The following SULT4A1 variants were observed in gnomAD, a reference collection of about 807,000 sequenced individuals.
The protein encoded by SULT4A1 is sulfotransferase family 4A member 1, also known as sulfotransferase 4A1.
A neutral mutation model predicts 35.2 loss-of-function variants in SULT4A1; 11 were observed. The ratio of observed to expected loss-of-function variants is 0.31; its 90% CI spans 0.20 to 0.52. The LOEUF (loss-of-function observed/expected upper bound fraction) is 0.52. Ranked by LOEUF, SULT4A1 falls within the 20% of genes least tolerant of loss-of-function variation. SULT4A1 has a pLI of 0.97. For synonymous variants in SULT4A1, 152 were observed against 151.8 expected (o/e 1.00, Z -0.01); for missense variants, 271 against 383.7 (o/e 0.71, Z 2.45).
intron 1 of SULT4A1, among the ~76,000 whole-genome samples, chr22:43,853,592 C>A (rs1467486053): frequency 2.0e-5 from 3 of 152,238 alleles, no homozygotes; most frequent in Non-Finnish European, 4.4e-5. Flanking sequence ...GCTCCGGCAA[C>A]CCTGGCTTGG....
intron 6 of SULT4A1, chr22:43,827,755 C>CCCCACACA (rs71313366): frequency 3.1e-6 from 1 of 319,304 alleles, no homozygotes; most frequent in African/African-American, 2.2e-5. Context: ...CGCTGCTTCA[C>CCCCACACA]CACACACACA....
chr22:43,835,969 C>T (rs940379230), intron 4 of SULT4A1, among the ~76,000 whole-genome samples: 5 of 152,312 alleles, frequency 3.3e-5, no homozygotes, highest in Non-Finnish European at 5.9e-5. Flanking sequence ...GAGGCGAGGA[C>T]GCCGGGCCCC....
In SULT4A1 at chr22:43,841,826, T is replaced by G; in HGVS notation, c.276A>C (p.Pro92=). The part of the protein sequence containing the change: ...IDEQLPVLEY[P]QPGLDIIKEL... ...CCTTGATGATGTCCAGGCCCGGCTG[T>G]GGGTACTCCAGGACCGGGAGCTGCT... Residue 92 remains proline, a synonymous_variant, in exon 2 of 7, where the codon CCA becomes CCC. Transcript: ENST00000330884. 4 of 1,613,786 alleles carry G rather than the reference T, an allele frequency of 2.5e-6. No homozygotes were observed. Among genetic ancestry groups the G allele is most frequent in the Non-Finnish European group, 3.4e-6 (4 of 1,179,742 alleles).
intron 5 of SULT4A1, among the ~76,000 whole-genome samples, chr22:43,829,431 ATTGGG>A (rs2063310029): frequency 6.6e-6 from 1 of 152,174 alleles, no homozygotes; most frequent in African/African-American, 2.4e-5. Context: ...CCTCCAGGGA[ATTGGG>A]TTGCAGACAT....
chr22:43,850,787 C>T (rs966800890), intron 1 of SULT4A1, among the ~76,000 whole-genome samples: 1 of 152,144 alleles, frequency 6.6e-6, no homozygotes, highest in Non-Finnish European at 1.5e-5. Flanking sequence ...ATGTGAGGGA[C>T]AGTCTGGTCG....
chr22:43,842,975 ATCTCTC>A (rs695712), intron 1 of SULT4A1, among the ~76,000 whole-genome samples: 10 of 144,586 alleles, frequency 6.9e-5, no homozygotes, highest in Admixed American at 2.7e-4. Flanking sequence ...AGTAAACAGC[ATCTCTC>A]TCTCTCTCTC....
intron 4 of SULT4A1, among the ~76,000 whole-genome samples, chr22:43,837,820 T>A (rs2063389827): frequency 6.6e-6 from 1 of 152,128 alleles, no homozygotes; most frequent in Non-Finnish European, 1.5e-5. Flanking sequence ...GGCATTACGT[T>A]CCAGGATCTC....
At chr22:43,831,437 C>T (rs955939178) in intron 5 of SULT4A1, among the ~76,000 whole-genome samples, 5 of 152,084 alleles carry the variant, frequency 3.3e-5, no homozygotes, top group Admixed American at 3.3e-4. Context: ...CAAATGCACA[C>T]CCAGGACCCC....
chr22:43,839,805 G>T, intron 3 of SULT4A1, 140 bp downstream of exon 3: 1 of 784,744 alleles, frequency 1.3e-6, no homozygotes, highest in African/African-American at 1.7e-5. Flanking sequence ...ACCTCAGAAG[G>T]GATCTTCACG....
intron 1 of SULT4A1, among the ~76,000 whole-genome samples, chr22:43,848,530 A>G (rs2063490576): frequency 6.6e-6 from 1 of 152,226 alleles, no homozygotes; most frequent in Non-Finnish European, 1.5e-5. Context: ...GAGGGTCCAC[A>G]AGCACTGCCC....
At chr22:43,836,814 C>G (rs1354719097) in intron 4 of SULT4A1, among the ~76,000 whole-genome samples, 1 of 151,946 alleles carries the variant, frequency 6.6e-6, no homozygotes, top group African/African-American at 2.4e-5. Flanking sequence ...TACACAGCGT[C>G]CTCACACTGC....
chr22:43,837,006 G>GCCTC (rs2063382639), intron 4 of SULT4A1, among the ~76,000 whole-genome samples: 1 of 152,272 alleles, frequency 6.6e-6, no homozygotes. Context: ...CTGGTCACCA[G>GCCTC]GCTCACGCGT....
intron 4 of SULT4A1, among the ~76,000 whole-genome samples, chr22:43,837,743 A>C (rs1303858237): frequency 6.6e-6 from 1 of 152,176 alleles, no homozygotes; most frequent in Non-Finnish European, 1.5e-5. Flanking sequence ...CCCCGCCAAG[A>C]GGTCCCCTTC....
At chr22:43,836,523 C>T (rs1220807354) in intron 4 of SULT4A1, among the ~76,000 whole-genome samples, 2 of 144,816 alleles carry the variant, frequency 1.4e-5, no homozygotes, top group African/African-American at 2.6e-5. Context: ...GCCTACACAG[C>T]GTCCTCACAC....
chr22:43,828,175 C>A (rs1024246589), intron 6 of SULT4A1, among the ~76,000 whole-genome samples: 3 of 152,200 alleles, frequency 2.0e-5, no homozygotes, highest in African/African-American at 7.2e-5. Flanking sequence ...CTGAACAGAG[C>A]CATCCACGTT....
chr22:43,851,804 G>C (rs1438174561), intron 1 of SULT4A1, among the ~76,000 whole-genome samples: 3 of 152,142 alleles, frequency 2.0e-5, no homozygotes, highest in Non-Finnish European at 4.4e-5. Context: ...AACTGTCTTG[G>C]TGACAGCCTC....
chr22:43,846,745 C>A (rs2063479385), intron 1 of SULT4A1, among the ~76,000 whole-genome samples: 2 of 152,270 alleles, frequency 1.3e-5, no homozygotes, highest in South Asian at 4.1e-4. Context: ...GGTGTGGCTG[C>A]CTTGCCTGTT....
At chr22:43,847,065 C>T (rs1023799661) in intron 1 of SULT4A1, among the ~76,000 whole-genome samples, 5 of 152,148 alleles carry the variant, frequency 3.3e-5, no homozygotes, top group Non-Finnish European at 7.4e-5. Flanking sequence ...CAGGTCCACC[C>T]GGCCCTGTCC....
At chr22:43,850,887 T>C (rs891414069) in intron 1 of SULT4A1, among the ~76,000 whole-genome samples, 2 of 152,070 alleles carry the variant, frequency 1.3e-5, no homozygotes, top group Non-Finnish European at 2.9e-5. Context: ...CCCATTTTTC[T>C]CTCTGTGGGA....
Sources: allele counts gnomAD v4.1 joint callset (sites outside exome capture counted in the v4.1 genomes callset), GRCh38; gene constraint gnomAD v4.1.1; transcripts MANE v1.5; gene names NCBI Gene and HGNC (gene_info 2026-07-23, HGNC 2026-07-21).